Variants in TRPM3 observed in about 807,000 individuals in gnomAD.
TRPM3 encodes the protein long transient receptor potential channel 3.
A neutral mutation model predicts 181.2 loss-of-function variants in TRPM3; 77 were observed. The ratio of observed to expected loss-of-function variants is 0.42; its 90% confidence interval spans 0.35 to 0.51. TRPM3 has a LOEUF of 0.51. Ranked by LOEUF, TRPM3 falls within the 20% of genes least tolerant of loss-of-function variation. The pLI is 0.01. For synonymous variants in TRPM3, 745 were observed against 796.4 expected (o/e 0.94, Z 1.09); for missense variants, 1,759 against 2,196.7 (o/e 0.80, Z 3.98).
chr9:70,625,225 C>T lies in TRPM3; in HGVS notation c.1775G>A (p.Arg592Gln). 1 of 1,613,992 alleles carries T rather than the reference C, an allele frequency of 6.2e-7. No homozygotes were observed. Among genetic ancestry groups the T allele is most frequent in the Non-Finnish European group, 8.5e-7 (1 of 1,179,978 alleles). The change falls in exon 14 of 26, where the codon CGG becomes CAG. Residue 592 changes from arginine (R) to glutamine (Q), a missense_variant. Around this residue, in one of 8 missense-constraint regions of TRPM3, gnomAD observed 737 missense variants for 957.4 expected, o/e 0.77. Coordinates refer to ENST00000677713, the MANE Select transcript of TRPM3 (RefSeq NM_001366145.2). This position sits in a 1 kb window ranked among gnomAD's most constrained non-coding sequence, Gnocchi z 4.8. ...GCCGAAGAGGTTGTGGTAGAGGGTC[C>T]GGAAGCGCTTGCGCGTGTAGTTGCA... ...YRCNYTRKRF[R>Q]TLYHNLFGPK...
chr9:71,003,612 T>A (rs1215248290), intron 1 of TRPM3, among the ~76,000 whole-genome samples: 2 of 152,210 alleles, frequency 1.3e-5, no homozygotes, highest in Non-Finnish European at 2.9e-5. Flanking sequence ...GTTGTTGATC[T>A]TTTGAATTTT....
At chr9:71,250,920 G>A (rs566513906) in intron 1 of TRPM3, among the ~76,000 whole-genome samples, 3 of 152,040 alleles carry the variant, frequency 2.0e-5, no homozygotes, top group Non-Finnish European at 2.9e-5. Flanking sequence ...GGAAGAGAGG[G>A]GGTTTGATTT....
chr9:70,862,933 C>T lies in TRPM3; in HGVS notation c.437G>A (p.Gly146Glu). 1.2e-6 allele frequency: 2 copies of T among 1,613,582 alleles called. No homozygotes were observed. Among genetic ancestry groups the T allele is most frequent in the Non-Finnish European group, 8.5e-7 (1 of 1,179,654 alleles). The change falls in exon 3 of 26, where the codon GGA becomes GAA. Residue 146 changes from glycine to glutamate, a missense_variant. Transcript: ENST00000677713. The stretch of plus-strand genomic sequence containing the variant: ...CATGGCTTTGTTGGAATGGCCACCT[C>T]CTTGGAACTCAATGGTCCCAAAAGC... ...TDAFGTIEFQ[G>E]GGHSNKAMYV... is the part of the protein sequence containing the mutation.
chr9:71,035,632 T>C (rs1464373632), intron 1 of TRPM3, among the ~76,000 whole-genome samples: 1 of 151,978 alleles, frequency 6.6e-6, no homozygotes, highest in Non-Finnish European at 1.5e-5. Context: ...CATGAGAATC[T>C]CTTGAACCCG....
chr9:71,253,644 G>T lies in TRPM3; in HGVS notation c.183+193009C>A, dbSNP rs550541772. On this transcript the variant is annotated intron_variant, in intron 1 of 24. Coordinates refer to the TRPM3 transcript ENST00000357533. ...AGCCATTACAGAAAATAGTATAGAG[G>T]TTCCTCAAAAAAATTAAAAATAGAA... Among the ~76,000 whole-genome samples, 7 of 152,100 alleles carry T rather than the reference G, an allele frequency of 4.6e-5. No homozygotes were observed. In the East Asian group the frequency reaches 9.7e-4, roughly 21 times the overall value.
chr9:70,646,810 A>G (rs1464877157), intron 9 of TRPM3, among the ~76,000 whole-genome samples: 1 of 151,686 alleles, frequency 6.6e-6, no homozygotes, highest in Non-Finnish European at 1.5e-5. Context: ...GAAAAAAGAG[A>G]GAAGATCCAA....
chr9:71,133,176 T>C (rs1587555789), intron 1 of TRPM3, among the ~76,000 whole-genome samples: 1 of 152,094 alleles, frequency 6.6e-6, no homozygotes, highest in African/African-American at 2.4e-5. Context: ...ATATCATTAA[T>C]TTAAATTAAT....
At chr9:70,834,723 G>A in intron 5 of TRPM3, among the ~76,000 whole-genome samples, 1 of 152,154 alleles carries the variant, frequency 6.6e-6, no homozygotes, top group East Asian at 1.9e-4. Flanking sequence ...CTTGGAGGAG[G>A]ATACTGCAGC....
intron 1 of TRPM3, among the ~76,000 whole-genome samples, chr9:71,419,610 G>A (rs1294009518): frequency 6.6e-6 from 1 of 151,860 alleles, no homozygotes; most frequent in African/African-American, 2.4e-5. Context: ...ATAAAAGTTT[G>A]TAACCAAAGA....
rs928404315 is a variant in TRPM3 at position 71,210,942 on chromosome 9, T to G, written c.183+235711A>C. On this transcript the variant is annotated intron_variant, in intron 1 of 24. Transcript: ENST00000357533. ...TACACTCTGGTGTCTCTTCATTATC[T>G]TAAGAGGGAACCAGCTCAATTGGAT... 3.9e-5 allele frequency among the ~76,000 whole-genome samples: 6 copies of G among 152,340 alleles called. No homozygotes were observed. The East Asian group carries it at 5.8e-4, about 15-fold the overall frequency.
intron 1 of TRPM3, among the ~76,000 whole-genome samples, chr9:71,184,446 T>C (rs1273216105): frequency 6.6e-6 from 1 of 152,124 alleles, no homozygotes; most frequent in Non-Finnish European, 1.5e-5. Flanking sequence ...TTTTCTCCTT[T>C]TGTGTTCTCT....
At chr9:71,247,771 A>T (rs917677656) in intron 1 of TRPM3, among the ~76,000 whole-genome samples, 1 of 152,306 alleles carries the variant, frequency 6.6e-6, no homozygotes, top group East Asian at 1.9e-4. Flanking sequence ...TCTGCTGCTT[A>T]GTCATTAGTG....
At chr9:71,313,678 T>C (rs989791851) in intron 1 of TRPM3, among the ~76,000 whole-genome samples, 9 of 152,142 alleles carry the variant, frequency 5.9e-5, no homozygotes, top group African/African-American at 1.7e-4. Flanking sequence ...CTTATTTCCA[T>C]TGGCTTTAAT....
chr9:70,878,979 A>T (rs1311348713), intron 1 of TRPM3, among the ~76,000 whole-genome samples: 1 of 152,090 alleles, frequency 6.6e-6, no homozygotes, highest in African/African-American at 2.4e-5. Flanking sequence ...AGCAGCAATA[A>T]CAGTTTTATA....
At chr9:70,648,842 C>T (rs1305252191) in intron 9 of TRPM3, among the ~76,000 whole-genome samples, 2 of 152,120 alleles carry the variant, frequency 1.3e-5, no homozygotes, top group Admixed American at 6.5e-5. Flanking sequence ...CAAAAATCAA[C>T]TCAAGATGGA....
At chr9:71,148,193 A>G (rs2075535741) in intron 1 of TRPM3, among the ~76,000 whole-genome samples, 1 of 152,182 alleles carries the variant, frequency 6.6e-6, no homozygotes, top group Non-Finnish European at 1.5e-5. Flanking sequence ...AGTCCTCAAG[A>G]AATTTAAAAA....
At chr9:71,197,591 T>C (rs1253218375) in intron 1 of TRPM3, among the ~76,000 whole-genome samples, 1 of 152,034 alleles carries the variant, frequency 6.6e-6, no homozygotes, top group Non-Finnish European at 1.5e-5. Flanking sequence ...CATCTCATTG[T>C]GGTTTTGATT....
intron 1 of TRPM3, among the ~76,000 whole-genome samples, chr9:71,214,126 T>G (rs1023012955): frequency 2.6e-5 from 4 of 152,160 alleles, no homozygotes; most frequent in African/African-American, 7.2e-5. Context: ...TAGTCTTTGT[T>G]GGAGAAAAAT....
intron 6 of TRPM3, among the ~76,000 whole-genome samples, chr9:70,802,367 C>T (rs1564362480): frequency 6.6e-6 from 1 of 152,182 alleles, no homozygotes; most frequent in Admixed American, 6.5e-5. Context: ...CTACTCAACT[C>T]TGTGGTTACA....
Sources: gnomAD v4.1 joint callset for allele counts (sites outside exome capture counted in the v4.1 genomes callset) on GRCh38, gnomAD v4.1.1 for gene constraint, gnomAD v4.1.1 regional missense constraint, Gnocchi (gnomAD v3.1) non-coding constraint, MANE v1.5 for transcripts, NCBI Gene and HGNC (gene_info 2026-07-23, HGNC 2026-07-21) for gene names.